SMARCA2: variants seen among roughly 807,000 people sequenced by gnomAD.
SMARCA2 encodes SWI/SNF related BAF chromatin remodeling complex subunit ATPase 2.
A neutral mutation model predicts 199.8 loss-of-function variants in SMARCA2; 61 were observed. That is an observed-to-expected ratio of 0.31 (90% CI 0.25 to 0.38). The LOEUF (loss-of-function observed/expected upper bound fraction) is 0.38, where lower values mean the gene tolerates loss of function less well. Ranked by LOEUF, SMARCA2 falls within the 10% of genes least tolerant of loss-of-function variation. The pLI, the probability that SMARCA2 is intolerant of heterozygous loss-of-function variation, is 1.00. For synonymous variants in SMARCA2, 935 were observed against 732.0 expected, an observed-to-expected ratio of 1.28 and a Z score of -4.48; for missense variants, 1,344 against 2,012.2, an observed-to-expected ratio of 0.67 and a Z score of 6.35.
intron 32 of SMARCA2, among the ~76,000 whole-genome samples, chr9:2,190,578 T>C (rs148638707): frequency 1.3e-5 from 2 of 152,338 alleles, no homozygotes; most frequent in African/African-American, 4.8e-5. Flanking sequence ...GTATATATAC[T>C]TACTTGAATT....
chr9:2,179,613 C>G (rs960735890), intron 29 of SMARCA2, among the ~76,000 whole-genome samples: 7 of 152,126 alleles, frequency 4.6e-5, no homozygotes, highest in African/African-American at 1.7e-4. Context: ...AGCCTTACCC[C>G]TTAGAGCTTT....
chr9:2,056,611 C>A lies in SMARCA2; in HGVS notation c.1174-61C>A. On this transcript the variant is annotated intron_variant, in intron 6 of 33. Coordinates refer to ENST00000349721, the MANE Select transcript of SMARCA2 (RefSeq NM_003070.5). This position sits in a 1 kb window ranked among gnomAD's most constrained non-coding sequence, Gnocchi z 4.0. ...TCCATTAAATGCAACCGCGAGAAGG[C>A]CAGAGTTCAGGAACCTAGCTTCTGT... 6.7e-7 allele frequency: 1 copy of A among 1,498,866 alleles called. No homozygotes were observed. Among genetic ancestry groups the A allele is most frequent in the Non-Finnish European group, 9.0e-7 (1 of 1,107,276 alleles). The allele number at this position is 1,498,866 out of a possible 1,614,324, so 92.8% of individuals were successfully genotyped here. A position where few individuals can be genotyped will look rare whatever the true frequency, so the allele number is the denominator to read the frequency against.
intron 21 of SMARCA2, among the ~76,000 whole-genome samples, chr9:2,100,163 A>G (rs1822448541): frequency 6.6e-6 from 1 of 152,256 alleles, no homozygotes; most frequent in Non-Finnish European, 1.5e-5. Context: ...CCTGCTCTCC[A>G]TTCCCACAGA....
intron 27 of SMARCA2, among the ~76,000 whole-genome samples, chr9:2,154,936 T>C (rs1406875239): frequency 1.3e-5 from 2 of 152,196 alleles, no homozygotes; most frequent in African/African-American, 4.8e-5. Context: ...GAGTAGATAG[T>C]AACTTGATTG....
intron 27 of SMARCA2, among the ~76,000 whole-genome samples, chr9:2,139,559 T>TC (rs1196465533): frequency 2.2e-4 from 34 of 152,230 alleles, no homozygotes; most frequent in Middle Eastern, 6.8e-3. Flanking sequence ...GCATAGGGGT[T>TC]ACTGGTATAT....
At chr9:2,129,279 G>A (rs10964905) in intron 27 of SMARCA2, among the ~76,000 whole-genome samples, 13,467 of 152,098 alleles carry the variant, frequency 0.089, 1,178 homozygotes, top group East Asian at 0.41. Context: ...TTAGCCGGGC[G>A]TGGTGGCACG....
intron 9 of SMARCA2, among the ~76,000 whole-genome samples, chr9:2,066,878 G>C (rs1441288112): frequency 6.6e-6 from 1 of 152,212 alleles, no homozygotes; most frequent in African/African-American, 2.4e-5. Context: ...TCAAACAGTA[G>C]ACCAATCACA....
chr9:2,076,255 G>A lies in SMARCA2; in HGVS notation c.1962G>A (p.Gln654=), dbSNP rs151212782. The change falls in exon 13 of 34, where the codon CAG becomes CAA. Residue 654 remains glutamine, a synonymous_variant. Coordinates refer to ENST00000349721, the MANE Select transcript of SMARCA2 (RefSeq NM_003070.5). The part of the protein sequence containing the change: ...EEDEEEESSR[Q]ETEEKILLDP... ...ATGAGGAAGAAGAGTCCAGTAGGCA[G>A]GAAACCGAAGAGAAAATACTCCTGG... 857 of 1,610,702 alleles carry A rather than the reference G, an allele frequency of 5.3e-4. No homozygotes were observed. The highest frequency in any genetic ancestry group is 6.6e-4 in the Middle Eastern group (4 of 6,060).
At chr9:2,066,341 G>T (rs1251885831) in intron 9 of SMARCA2, among the ~76,000 whole-genome samples, 4 of 152,088 alleles carry the variant, frequency 2.6e-5, no homozygotes, top group Admixed American at 6.6e-5. Flanking sequence ...CAGCTTACAC[G>T]GGATTTTCAT....
At chr9:2,160,882 G>GTA in intron 27 of SMARCA2, 1 of 334,556 alleles carries the variant, frequency 3.0e-6, no homozygotes. Flanking sequence ...AGATTTACCA[G>GTA]GAAAAAAAAA....
intron 18 of SMARCA2, among the ~76,000 whole-genome samples, chr9:2,088,284 C>G (rs912725350): frequency 5.9e-5 from 9 of 152,234 alleles, no homozygotes; most frequent in Middle Eastern, 3.4e-3. Context: ...TAGAACTCAG[C>G]GTTAAGACAA....
chr9:2,163,025 C>G (rs1336962891), intron 28 of SMARCA2: 1 of 152,174 alleles, frequency 6.6e-6, no homozygotes, highest in Non-Finnish European at 1.5e-5. Flanking sequence ...TGAATAACTA[C>G]GTTGTGTTTT....
chr9:2,032,836 T>TG, intron 2 of SMARCA2, 116 bp from the exon 3 acceptor site: 1 of 816,464 alleles, frequency 1.2e-6, no homozygotes, highest in South Asian at 2.0e-5. Flanking sequence ...AACTCTAGAA[T>TG]GGGTAGTAGA....
chr9:2,167,894 A>G (rs1826013514), intron 28 of SMARCA2, among the ~76,000 whole-genome samples: 1 of 152,182 alleles, frequency 6.6e-6, no homozygotes. Context: ...CTGAAGAGGT[A>G]GCTGGCCTGG....
intron 19 of SMARCA2, among the ~76,000 whole-genome samples, chr9:2,095,688 A>G (rs116423894): frequency 0.014 from 2,141 of 152,346 alleles, 47 homozygotes; most frequent in African/African-American, 0.049. Context: ...GAAAGCAACA[A>G]TTGAAGGAAT....
chr9:2,057,845 T>C (rs1341117291), intron 7 of SMARCA2, among the ~76,000 whole-genome samples: 1 of 152,244 alleles, frequency 6.6e-6, no homozygotes, highest in Non-Finnish European at 1.5e-5. Flanking sequence ...ATTTTAACTT[T>C]GTATAAACTT....
intron 3 of SMARCA2, 56 bp downstream of exon 3, chr9:2,033,137 C>G: frequency 6.4e-7 from 1 of 1,569,056 alleles, no homozygotes; most frequent in East Asian, 2.3e-5. Context: ...TTCAGTCTTT[C>G]CTGTTGGATA....
intron 1 of SMARCA2, among the ~76,000 whole-genome samples, 154 bp from the exon 2 acceptor site, chr9:2,028,833 G>A (rs1471763046): frequency 6.6e-6 from 1 of 152,166 alleles, no homozygotes; most frequent in East Asian, 1.9e-4. Context: ...GCAGACGGAT[G>A]TATATCACAC....
At chr9:2,066,557 A>ATTT (rs1563744706) in intron 9 of SMARCA2, among the ~76,000 whole-genome samples, 1 of 152,214 alleles carries the variant, frequency 6.6e-6, no homozygotes, top group African/African-American at 2.4e-5. Flanking sequence ...GTTATGAATA[A>ATTT]TTCCTATCAT....
Sources: allele counts gnomAD v4.1 joint callset (sites outside exome capture counted in the v4.1 genomes callset), GRCh38; gene constraint gnomAD v4.1.1; non-coding constraint Gnocchi (gnomAD v3.1); transcripts MANE v1.5; gene names NCBI Gene and HGNC (gene_info 2026-07-23, HGNC 2026-07-21).